The following SULT4A1 variants were observed in gnomAD, a reference collection of about 807,000 sequenced individuals.
The protein encoded by SULT4A1 is sulfotransferase family 4A member 1.
In SULT4A1, 11 loss-of-function variants were observed where a neutral mutation model predicts 35.2. The ratio of observed to expected loss-of-function variants is 0.31; its 90% CI spans 0.20 to 0.52. SULT4A1 has a LOEUF of 0.52. Among genes scored for constraint, SULT4A1 ranks in the 20% least tolerant of loss-of-function variants. The pLI is 0.97. For missense variants in SULT4A1, 271 were observed against 383.7 expected (o/e 0.71, Z 2.45); for synonymous variants, 152 against 151.8 (o/e 1.00, Z -0.01).
rs966369024 is a variant in SULT4A1, at chr22:43,828,933, C to G, written c.742+127G>C. ...TAACAGAGCACAGGCCATGGGCCAG[C>G]TACAGACTGCTGTAAAAGGAGAGCA... On this transcript the variant is annotated intron_variant, in intron 6 of 6. Coordinates refer to ENST00000330884, the MANE Select transcript of SULT4A1 (RefSeq NM_014351.4). The G allele has an allele frequency of 3.6e-6, 4 of 1,100,462 alleles. 1 individual carries two copies. Among genetic ancestry groups the G allele is most frequent in the Middle Eastern group, 3.1e-4 (1 of 3,222 alleles). 68.2% of individuals were successfully genotyped at this position (1,100,462 alleles called of 1,614,324 possible). A position where few individuals can be genotyped will look rare whatever the true frequency, so the allele number is the denominator to read the frequency against.
At chr22:43,828,940 C>T (rs2063306681) in intron 6 of SULT4A1, 120 bp downstream of exon 6, 2 of 1,148,280 alleles carry the variant, frequency 1.7e-6, no homozygotes. Context: ...CAGCTACAGA[C>T]TGCTGTAAAA....
At chr22:43,851,587 A>G (rs936648259) in intron 1 of SULT4A1, among the ~76,000 whole-genome samples, 11 of 152,044 alleles carry the variant, frequency 7.2e-5, no homozygotes, top group African/African-American at 2.7e-4. Context: ...TTTGGGGTCA[A>G]TTTCTCAAAA....
intron 1 of SULT4A1, among the ~76,000 whole-genome samples, chr22:43,846,933 A>G (rs1308822619): frequency 6.6e-6 from 1 of 152,104 alleles, no homozygotes; most frequent in Non-Finnish European, 1.5e-5. Context: ...ACCCAGACAG[A>G]CCTTCTCTGC....
intron 4 of SULT4A1, 151 bp from the exon 5 acceptor site, chr22:43,833,885 C>G: frequency 1.5e-6 from 1 of 674,340 alleles, no homozygotes. Context: ...CAAAGGCCCC[C>G]GAGGCACTCA....
At chr22:43,849,980 G>C (rs150864899) in intron 1 of SULT4A1, among the ~76,000 whole-genome samples, 5 of 152,206 alleles carry the variant, frequency 3.3e-5, no homozygotes, top group Non-Finnish European at 7.3e-5. Flanking sequence ...CTGGAGGGTG[G>C]AACGAAGGAG....
Position 43,826,512 on chromosome 22 carries a change from C to T in SULT4A1, c.743-399G>A, listed in dbSNP as rs534167622. ...TCCCAGGAGCGAGTATGATCTGCCG[C>T]GGGAGTGCACTGCTCTGGGCATCAC... On this transcript the variant is annotated intron_variant, in intron 6 of 6. Coordinates refer to ENST00000330884, the MANE Select transcript of SULT4A1 (RefSeq NM_014351.4). The T allele has an allele frequency of 2.4e-5, 24 of 985,374 alleles. No homozygotes were observed. In the Admixed American group the frequency reaches 4.9e-4, roughly 20 times the overall value. The allele number at this position is 985,374 out of a possible 1,614,324, so 61.0% of individuals were successfully genotyped here. A position where few individuals can be genotyped will look rare whatever the true frequency, so the allele number is the denominator to read the frequency against.
At chr22:43,853,989 T>C (rs1011662493) in intron 1 of SULT4A1, among the ~76,000 whole-genome samples, 1 of 152,194 alleles carries the variant, frequency 6.6e-6, no homozygotes, top group African/African-American at 2.4e-5. Flanking sequence ...AGAAACTAGT[T>C]GTAAGAAGCT....
rs949914037 is a variant in SULT4A1, at chr22:43,845,683, C to T, written c.170-3751G>A. 6.6e-5 allele frequency among the ~76,000 whole-genome samples: 10 copies of T among 152,278 alleles called. No individual in the cohort carries two copies. The East Asian group carries it at 1.2e-3, about 18-fold the overall frequency. Reference sequence around the variant, plus strand: ...CAGGCCACGGGTCTGTGGCCTGTTCCGAACCGAGACGCACAGGAGGAGGCG... The same window carrying T: ...CAGGCCACGGGTCTGTGGCCTGTTCTGAACCGAGACGCACAGGAGGAGGCG... On this transcript the variant is annotated intron_variant, in intron 1 of 6. Coordinates refer to ENST00000330884, the MANE Select transcript of SULT4A1 (RefSeq NM_014351.4).
intron 4 of SULT4A1, among the ~76,000 whole-genome samples, chr22:43,835,433 C>T (rs1005554155): frequency 6.6e-6 from 1 of 152,192 alleles, no homozygotes; most frequent in Non-Finnish European, 1.5e-5. Flanking sequence ...GGATGAGGAG[C>T]GCTGGCTGTA....
At chr22:43,861,016 G>A (rs1056489075) in intron 1 of SULT4A1, among the ~76,000 whole-genome samples, 2 of 152,146 alleles carry the variant, frequency 1.3e-5, no homozygotes, top group African/African-American at 4.8e-5. Context: ...CACTTGGCCC[G>A]CAGGACTTAA....
At position 43,825,873 on chromosome 22, in the gene SULT4A1, T is replaced by A; in HGVS notation, c.*128A>T. The A allele has an allele frequency of 1.1e-6, 1 of 944,280 alleles. No homozygotes were observed. The highest frequency in any genetic ancestry group is 1.6e-6 in the Non-Finnish European group (1 of 621,754). The allele number at this position is 944,280 out of a possible 1,614,324, so 58.5% of individuals were successfully genotyped here. A position where few individuals can be genotyped will look rare whatever the true frequency, so the allele number is the denominator to read the frequency against. ...CACACTCCCTCCGCTCACGCCGCTC[T>A]TCCCTTCCCCCGCTGTTTCACACGC... On this transcript the variant is annotated 3_prime_UTR_variant, in exon 7 of 7. Coordinates refer to ENST00000330884, the MANE Select transcript of SULT4A1 (RefSeq NM_014351.4).
chr22:43,854,719 C>T (rs989412950), intron 1 of SULT4A1, among the ~76,000 whole-genome samples: 4 of 152,202 alleles, frequency 2.6e-5, no homozygotes, highest in African/African-American at 7.2e-5. Flanking sequence ...GCCCCCCACA[C>T]GCCAAAGAAG....
intron 3 of SULT4A1, 138 bp from the exon 4 acceptor site, chr22:43,839,131 T>C (rs1176909918): frequency 1.0e-5 from 12 of 1,148,852 alleles, no homozygotes; most frequent in African/African-American, 3.1e-5. Context: ...CTGGGGCCCA[T>C]GTGCACGGCT....
chr22:43,858,533 G>A (rs1433567893), intron 1 of SULT4A1, among the ~76,000 whole-genome samples: 1 of 152,152 alleles, frequency 6.6e-6, no homozygotes, highest in African/African-American at 2.4e-5. Flanking sequence ...AGTTCTTCTG[G>A]TACAAAACCA....
chr22:43,855,851 C>T (rs935709993), intron 1 of SULT4A1, among the ~76,000 whole-genome samples: 9 of 152,192 alleles, frequency 5.9e-5, no homozygotes, highest in Non-Finnish European at 1.2e-4. Flanking sequence ...TTTCACTCAA[C>T]CAAGATGGGC....
At chr22:43,830,871 T>G (rs1216991389) in intron 5 of SULT4A1, among the ~76,000 whole-genome samples, 1 of 152,176 alleles carries the variant, frequency 6.6e-6, no homozygotes, top group Non-Finnish European at 1.5e-5. Context: ...GAGACAACCA[T>G]GCTCACTCGG....
rs2063448356 is a variant in SULT4A1 at position 43,843,241 on chromosome 22, A to G, written c.170-1309T>C. Among the ~76,000 whole-genome samples, 7 of 152,110 alleles carry G rather than the reference A, an allele frequency of 4.6e-5. No individual in the cohort carries two copies. In the South Asian group the frequency reaches 1.4e-3, roughly 32 times the overall value. Reference sequence around the variant, plus strand: ...ACCAGCCTGCGCAATATAGCAAGACATTGTCCCTACAAAAAATAAAAAATA... The same window carrying G: ...ACCAGCCTGCGCAATATAGCAAGACGTTGTCCCTACAAAAAATAAAAAATA... On this transcript the variant is annotated intron_variant, in intron 1 of 6. Transcript: ENST00000330884.
At chr22:43,856,056 G>A (rs1195469482) in intron 1 of SULT4A1, among the ~76,000 whole-genome samples, 2 of 152,212 alleles carry the variant, frequency 1.3e-5, no homozygotes, top group Non-Finnish European at 2.9e-5. Flanking sequence ...ACTGAGCAGA[G>A]TTCACACCCA....
chr22:43,861,693 C>A (rs1458591753), intron 1 of SULT4A1, among the ~76,000 whole-genome samples: 1 of 152,234 alleles, frequency 6.6e-6, no homozygotes, highest in Non-Finnish European at 1.5e-5. Flanking sequence ...GCACTCCAGG[C>A]GGGGACTGGT....
Sources: gnomAD v4.1 joint callset for allele counts (sites outside exome capture counted in the v4.1 genomes callset) on GRCh38, gnomAD v4.1.1 for gene constraint, MANE v1.5 for transcripts, NCBI Gene and HGNC (gene_info 2026-07-23, HGNC 2026-07-21) for gene names.